The following MET variants were observed in gnomAD, a reference collection of about 807,000 sequenced individuals.
MET encodes the protein hepatocyte growth factor receptor.
Under a neutral mutation model 133.1 loss-of-function variants are expected in MET, and 48 were observed. That is an observed-to-expected ratio of 0.36 (90% confidence interval 0.29 to 0.46). The LOEUF is 0.46. MET is among the 20% of genes least tolerant of loss of function. The probability of loss-of-function intolerance (pLI) is 1.00; values close to 1 mark genes in which losing one functional copy is unlikely to be tolerated. For synonymous variants in MET, 628 were observed against 616.5 expected (o/e 1.02, Z -0.28); for missense variants, 1,442 against 1,695.9 (o/e 0.85, Z 2.63).
intron 13 of MET, 38 bp downstream of exon 13, chr7:116,771,692 T>G (rs1294171619): frequency 6.2e-7 from 1 of 1,611,122 alleles, no homozygotes; most frequent in African/African-American, 1.3e-5. Context: ...GAAGTTACCT[T>G]AAGAACACAG....
rs543017759 is a variant in MET, at chr7:116,765,957, A to T, written c.2583+2689A>T. ...CAAATTTGGTCTTCTGTCACTGCATACACTAAATTACAGTATTTCTTATAT... is the reference window on the plus strand; with the variant it reads ...CAAATTTGGTCTTCTGTCACTGCATTCACTAAATTACAGTATTTCTTATAT... On this transcript the variant is annotated intron_variant, in intron 11 of 20. Coordinates refer to ENST00000397752, the MANE Select transcript of MET (RefSeq NM_000245.4). Among the ~76,000 whole-genome samples the T allele has an allele frequency of 2.6e-4, 39 of 152,326 alleles. No homozygotes were observed. The South Asian group carries it at 3.5e-3, about 14-fold the overall frequency.
intron 5 of MET, among the ~76,000 whole-genome samples, chr7:116,744,221 T>C (rs1174024378): frequency 6.6e-6 from 1 of 152,060 alleles, no homozygotes; most frequent in Non-Finnish European, 1.5e-5. Flanking sequence ...CCTCAGAATT[T>C]GGGTAATAAC....
At chr7:116,780,586 G>C (rs1795128672) in intron 17 of MET, among the ~76,000 whole-genome samples, 1 of 152,174 alleles carries the variant, frequency 6.6e-6, no homozygotes, top group Non-Finnish European at 1.5e-5. Flanking sequence ...GAGATTTCCT[G>C]TTATCCAGAA....
At chr7:116,755,052 A>AGAAAGAAAAGAAAGAAC (rs1794126914) in intron 5 of MET, among the ~76,000 whole-genome samples, 2 of 151,954 alleles carry the variant, frequency 1.3e-5, no homozygotes, top group African/African-American at 4.8e-5. Flanking sequence ...AAAGAAAGAA[A>AGAAAGAAAAGAAAGAAC]GAACGGAAGG....
intron 2 of MET, among the ~76,000 whole-genome samples, chr7:116,716,555 G>A (rs1265277471): frequency 1.3e-5 from 2 of 151,592 alleles, no homozygotes; most frequent in Non-Finnish European, 2.9e-5. Context: ...GAACAATAAA[G>A]GAAAGACTCA....
At chr7:116,746,860 A>G (rs781383911) in intron 5 of MET, among the ~76,000 whole-genome samples, 3 of 152,196 alleles carry the variant, frequency 2.0e-5, no homozygotes, top group Non-Finnish European at 2.9e-5. Context: ...GCACACCAAC[A>G]TGCACATGTA....
At position 116,685,654 on chromosome 7, in the gene MET, C is replaced by G. The variant is rs572793775; in HGVS notation, c.-15+13077C>G. ...TTAGCCAACACCACATCACTGCACT[C>G]CAGCCTGGGCAACAGAGCAAGACTC... On this transcript the variant is annotated intron_variant, in intron 1 of 20. Coordinates refer to ENST00000397752, the MANE Select transcript of MET (RefSeq NM_000245.4). Among the ~76,000 whole-genome samples, 4 of 152,076 alleles carry G rather than the reference C, an allele frequency of 2.6e-5. No homozygotes were observed. The South Asian group carries it at 8.3e-4, about 32-fold the overall frequency.
intron 2 of MET, among the ~76,000 whole-genome samples, chr7:116,726,178 T>TATATAC (rs1562900129): frequency 8.3e-4 from 3 of 3,596 alleles, no homozygotes; most frequent in African/African-American, 2.2e-3. Context: ...TATATATATA[T>TATATAC]GGGATATAAA....
chr7:116,740,939 G>T lies in MET; in HGVS notation c.1615G>T (p.Gly539Cys). The change falls in exon 5 of 21, where the codon GGC becomes TGC. Residue 539 changes from glycine (G) to cysteine (C), a missense_variant. Around this residue, in one of 6 missense-constraint regions of MET, gnomAD observed 762 missense variants for 792.4 expected, o/e 0.96. Transcript: ENST00000397752. ...CLSAPPFVQCGWCHDKCVRSE... is the reference protein window; with the variant it reads ...CLSAPPFVQCCWCHDKCVRSE... Reference sequence around the variant, plus strand: ...CTCTGCCCCACCCTTTGTTCAGTGTGGCTGGTGCCACGACAAATGTGTGCG... The same window carrying T: ...CTCTGCCCCACCCTTTGTTCAGTGTTGCTGGTGCCACGACAAATGTGTGCG... 6.2e-7 allele frequency: 1 copy of T among 1,614,150 alleles called. No individual in the cohort carries two copies. The highest frequency in any genetic ancestry group is 1.1e-5 in the South Asian group (1 of 91,082).
At chr7:116,675,923 T>C (rs1246659131) in intron 1 of MET, among the ~76,000 whole-genome samples, 1 of 152,190 alleles carries the variant, frequency 6.6e-6, no homozygotes, top group Non-Finnish European at 1.5e-5. Context: ...TTCTCAGATA[T>C]CTTTTCAGCT....
At chr7:116,750,098 A>G (rs899964049) in intron 5 of MET, among the ~76,000 whole-genome samples, 1 of 152,314 alleles carries the variant, frequency 6.6e-6, no homozygotes, top group African/African-American at 2.4e-5. Context: ...TTTCATATGG[A>G]ACCAAAAAAG....
At chr7:116,769,554 G>C in intron 11 of MET, 91 bp from the exon 12 acceptor site, 1 of 1,507,374 alleles carries the variant, frequency 6.6e-7, no homozygotes, top group South Asian at 1.2e-5. Flanking sequence ...CATGGCCTGT[G>C]TTTGCAGTAT....
intron 2 of MET, among the ~76,000 whole-genome samples, chr7:116,706,926 C>T (rs1010298466): frequency 1.3e-5 from 2 of 148,186 alleles, no homozygotes; most frequent in South Asian, 4.3e-4. Flanking sequence ...TATGTGGTAA[C>T]CGAATCTAGG....
At chr7:116,723,665 T>A (rs1215092339) in intron 2 of MET, among the ~76,000 whole-genome samples, 2 of 152,326 alleles carry the variant, frequency 1.3e-5, no homozygotes, top group Admixed American at 6.5e-5. Context: ...GTTTTTGGTG[T>A]GGATGTCCTT....
At chr7:116,728,458 A>G (rs1792877842) in intron 2 of MET, among the ~76,000 whole-genome samples, 1 of 152,206 alleles carries the variant, frequency 6.6e-6, no homozygotes, top group South Asian at 2.1e-4. Context: ...TACGCCTTAC[A>G]TGTGTGCAAA....
chr7:116,794,057 C>G (rs778759130), intron 19 of MET, among the ~76,000 whole-genome samples: 1 of 152,104 alleles, frequency 6.6e-6, no homozygotes, highest in South Asian at 2.1e-4. Flanking sequence ...CTTCCTGCAG[C>G]CTTTCTCAGT....
At chr7:116,697,450 T>C (rs1797002625) in intron 1 of MET, among the ~76,000 whole-genome samples, 1 of 152,194 alleles carries the variant, frequency 6.6e-6, no homozygotes, top group Non-Finnish European at 1.5e-5. Flanking sequence ...TATGACGGTC[T>C]AGCTCAAAAT....
intron 5 of MET, among the ~76,000 whole-genome samples, chr7:116,746,708 C>G (rs1345978560): frequency 1.4e-5 from 2 of 147,742 alleles, no homozygotes; most frequent in East Asian, 2.0e-4. Context: ...CATGTTCTCA[C>G]TCATAGGTGG....
At chr7:116,787,696 G>T (rs1340103393) in intron 19 of MET, among the ~76,000 whole-genome samples, 1 of 152,200 alleles carries the variant, frequency 6.6e-6, no homozygotes, top group African/African-American at 2.4e-5. Flanking sequence ...ATTGGGAGGG[G>T]ATTAAGTGTC....
Sources: gnomAD v4.1 joint callset for allele counts (sites outside exome capture counted in the v4.1 genomes callset) on GRCh38, gnomAD v4.1.1 for gene constraint, gnomAD v4.1.1 regional missense constraint, MANE v1.5 for transcripts, NCBI Gene and HGNC (gene_info 2026-07-23, HGNC 2026-07-21) for gene names.